The following ARL1 variants were observed in gnomAD, a reference collection of about 807,000 sequenced individuals.
ARL1 encodes ARF like GTPase 1, also known as ADP-ribosylation factor-like protein 1.
A neutral mutation model predicts 30.1 loss-of-function variants in ARL1; 17 were observed. The observed-to-expected ratio is 0.56, with a 90% CI of 0.39 to 0.85. ARL1 has a LOEUF of 0.85. Among genes scored for constraint, ARL1 ranks in the 40% least tolerant of loss-of-function variants. ARL1 has a pLI of 0.00. For synonymous variants in ARL1, 58 were observed against 71.7 expected (o/e 0.81, Z 0.97); for missense variants, 102 against 212.6 (o/e 0.48, Z 3.24).
chr12:101,406,236 T>C (rs1057030001), intron 1 of ARL1, among the ~76,000 whole-genome samples: 7 of 152,088 alleles, frequency 4.6e-5, no homozygotes, highest in Non-Finnish European at 1.0e-4. Flanking sequence ...ATAAGAGAAA[T>C]ATGGCCGCGG....
At position 101,394,872 on chromosome 12, in the gene ARL1, G is replaced by C. The variant is rs2121100303; in HGVS notation, c.*768C>G. On this transcript the variant is annotated 3_prime_UTR_variant, in exon 6 of 6. Transcript: ENST00000261636. Reference sequence around the variant, plus strand: ...TATGAGTCAAGCTTCTGAACCAAAAGTTTTACTTTGAGCCCTATTCCTACC... The same window carrying C: ...TATGAGTCAAGCTTCTGAACCAAAACTTTTACTTTGAGCCCTATTCCTACC... The C allele has an allele frequency of 6.6e-6, 1 of 152,210 alleles. No individual in the cohort carries two copies. Among genetic ancestry groups the C allele is most frequent in the Admixed American group, 6.6e-5 (1 of 15,266 alleles). The allele number at this position is 152,210 out of a possible 1,614,324, so 9.4% of individuals were successfully genotyped here. A position where few individuals can be genotyped will look rare whatever the true frequency, so the allele number is the denominator to read the frequency against.
chr12:101,403,604 T>C (rs1593467243), intron 2 of ARL1: 1 of 155,342 alleles, frequency 6.4e-6, no homozygotes, highest in East Asian at 1.9e-4. Flanking sequence ...GGCTGGGTGG[T>C]CAAAGGGCAG....
At chr12:101,398,160 G>T (rs530652178) in intron 4 of ARL1, among the ~76,000 whole-genome samples, 2 of 152,096 alleles carry the variant, frequency 1.3e-5, no homozygotes, top group African/African-American at 2.4e-5. Context: ...CACTTTGGGA[G>T]GCTGAGGTGG....
chr12:101,397,612 G>C (rs1042545195), intron 4 of ARL1, among the ~76,000 whole-genome samples: 3 of 151,768 alleles, frequency 2.0e-5, no homozygotes, highest in African/African-American at 7.3e-5. Context: ...TGATTCTCCT[G>C]CCTCAGCCTC....
chr12:101,402,406 C>T (rs1287387333), intron 3 of ARL1, among the ~76,000 whole-genome samples: 1 of 152,198 alleles, frequency 6.6e-6, no homozygotes, highest in Admixed American at 6.5e-5. Context: ...TCAGGCTGGT[C>T]TCCAACTCCT....
chr12:101,398,851 T>A (rs1003437023), intron 4 of ARL1, among the ~76,000 whole-genome samples: 3 of 152,180 alleles, frequency 2.0e-5, no homozygotes, highest in Admixed American at 1.3e-4. Context: ...AATCCAACTT[T>A]TACTTCTTTC....
chr12:101,395,741 T>G, intron 5 of ARL1, 71 bp from the exon 6 acceptor site: 1 of 1,137,136 alleles, frequency 8.8e-7, no homozygotes, highest in Non-Finnish European at 1.3e-6. Flanking sequence ...TATAATAAAC[T>G]TTGTATTGGA....
At chr12:101,399,509 TAAAAAAAAAAAAAAAAA>T (rs200979843) in intron 4 of ARL1, among the ~76,000 whole-genome samples, 53,301 of 111,376 alleles carry the variant, frequency 0.48, 11,189 homozygotes, top group Admixed American at 0.55. Flanking sequence ...AGACTCTGTC[TAAAAAAAAAAAAAAAAA>T]AAAAAAAAAA....
chr12:101,402,362 T>C (rs1871327772), intron 3 of ARL1, among the ~76,000 whole-genome samples: 1 of 152,170 alleles, frequency 6.6e-6, no homozygotes. Context: ...CTAATTTTTG[T>C]ATTTTTAGTA....
chr12:101,406,782 T>G (rs1260041744), intron 1 of ARL1, among the ~76,000 whole-genome samples: 1 of 152,196 alleles, frequency 6.6e-6, no homozygotes, highest in African/African-American at 2.4e-5. Context: ...AGGTGTGACT[T>G]GACAAAGTCC....
rs1871490318 is a variant in ARL1 at position 101,407,750 on chromosome 12, G to A, written c.-105C>T. Reference sequence around the variant, plus strand: ...AGCCCAGTCAGCCAGCAACTTCCACGTCGGACTCCAGGCGGGGGCGGGAGC... The same window carrying A: ...AGCCCAGTCAGCCAGCAACTTCCACATCGGACTCCAGGCGGGGGCGGGAGC... On this transcript the variant is annotated 5_prime_UTR_variant, in exon 1 of 6. The change creates a new upstream start codon in the 5' untranslated region. Coordinates refer to ENST00000261636, the MANE Select transcript of ARL1 (RefSeq NM_001177.6). 3.9e-6 allele frequency: 6 copies of A among 1,536,610 alleles called. No individual in the cohort carries two copies. Among genetic ancestry groups the A allele is most frequent in the Non-Finnish European group, 4.5e-6 (5 of 1,117,884 alleles).
At chr12:101,401,216 A>T in intron 3 of ARL1, 43 bp from the exon 4 acceptor site, 1 of 1,410,102 alleles carries the variant, frequency 7.1e-7, no homozygotes, top group Admixed American at 1.8e-5. Context: ...TTATTGTTTT[A>T]AGGAAGAAAC....
At chr12:101,398,977 TA>T (rs1164535383) in intron 4 of ARL1, among the ~76,000 whole-genome samples, 1 of 152,148 alleles carries the variant, frequency 6.6e-6, no homozygotes, top group Admixed American at 6.5e-5. Flanking sequence ...CTTTATATGA[TA>T]AAAATACACT....
rs1020275515 is a variant in ARL1, at chr12:101,395,010, G to A, written c.*630C>T. 2 of 152,002 alleles carry A rather than the reference G, an allele frequency of 1.3e-5. No individual in the cohort carries two copies. Among genetic ancestry groups the A allele is most frequent in the African/African-American group, 4.8e-5 (2 of 41,370 alleles). 9.4% of individuals were successfully genotyped at this position (152,002 alleles called of 1,614,324 possible). A position where few individuals can be genotyped will look rare whatever the true frequency, so the allele number is the denominator to read the frequency against. ...ACCTACTTCACAAGCTTCCTCTACCGATCAACTAGATCAATATATGTAAGA... is the reference window on the plus strand; with the variant it reads ...ACCTACTTCACAAGCTTCCTCTACCAATCAACTAGATCAATATATGTAAGA... On this transcript the variant is annotated 3_prime_UTR_variant, in exon 6 of 6. Coordinates refer to ENST00000261636, the MANE Select transcript of ARL1 (RefSeq NM_001177.6).
At chr12:101,407,571 C>G (rs2121132983) in intron 1 of ARL1, 71 bp downstream of exon 1, 1 of 1,598,324 alleles carries the variant, frequency 6.3e-7, no homozygotes, top group Non-Finnish European at 8.5e-7. Flanking sequence ...CGGCCCCTCT[C>G]CTCCTCTGCA....
intron 4 of ARL1, among the ~76,000 whole-genome samples, chr12:101,398,013 A>C (rs900135753): frequency 2.0e-5 from 3 of 152,096 alleles, no homozygotes; most frequent in African/African-American, 7.2e-5. Context: ...TAATATAATT[A>C]AATCTCATCT....
chr12:101,397,632 T>C (rs1169069834), intron 4 of ARL1, among the ~76,000 whole-genome samples: 1 of 152,026 alleles, frequency 6.6e-6, no homozygotes, highest in East Asian at 1.9e-4. Flanking sequence ...CCTGAGTAGC[T>C]GGGACTACAG....
At chr12:101,401,294 G>T in intron 3 of ARL1, 121 bp from the exon 4 acceptor site, 1 of 654,766 alleles carries the variant, frequency 1.5e-6, no homozygotes, top group Non-Finnish European at 2.7e-6. Flanking sequence ...CACTGTTTCT[G>T]GTGGATATAT....
At chr12:101,400,940 C>T (rs943287745) in intron 4 of ARL1, 122 bp downstream of exon 4, 162 of 686,654 alleles carry the variant, frequency 2.4e-4, no homozygotes, top group Non-Finnish European at 3.6e-4. Flanking sequence ...AAAATCATTT[C>T]CATAAAAGAA....
Sources: gnomAD v4.1 joint callset for allele counts (sites outside exome capture counted in the v4.1 genomes callset) on GRCh38, gnomAD v4.1.1 for gene constraint, MANE v1.5 for transcripts, NCBI Gene and HGNC (gene_info 2026-07-23, HGNC 2026-07-21) for gene names.